Variants in LSM12 observed in about 807,000 individuals in gnomAD.
The protein encoded by LSM12 is protein LSM12.
For missense variants in LSM12, 108 were observed against 238.9 expected (o/e 0.45, Z 3.61); for synonymous variants, 74 against 87.3 (o/e 0.85, Z 0.85).
chr17:44,047,265 G>T (rs1316524937), intron 2 of LSM12, among the ~76,000 whole-genome samples: 2 of 150,966 alleles, frequency 1.3e-5, no homozygotes, highest in African/African-American at 4.9e-5. Flanking sequence ...TCTTTTTTTT[G>T]AGATGGAGTC....
At chr17:44,037,373 A>G (rs1457328780) in intron 4 of LSM12, 39 bp downstream of exon 4, 2 of 1,542,736 alleles carry the variant, frequency 1.3e-6, no homozygotes, top group Admixed American at 4.2e-5. Context: ...CTGAGGAACC[A>G]TCCTCTCTCC....
intron 2 of LSM12, 21 bp from the exon 3 acceptor site, chr17:44,040,277 G>C: frequency 6.3e-7 from 1 of 1,577,540 alleles, no homozygotes; most frequent in Non-Finnish European, 8.7e-7. Context: ...AGAGAGGAAA[G>C]AGACTCAGAA....
At chr17:44,042,862 T>C (rs1018362574) in intron 2 of LSM12, among the ~76,000 whole-genome samples, 14 of 152,022 alleles carry the variant, frequency 9.2e-5, no homozygotes, top group African/African-American at 3.1e-4. Flanking sequence ...CTACCACACC[T>C]GGCCATTTTT....
In LSM12 at chr17:44,040,003, C is replaced by G. The variant is rs73306670; in HGVS notation, c.368+144G>C. On this transcript the variant is annotated intron_variant, in intron 3 of 4. Coordinates refer to ENST00000293406, the MANE Select transcript of LSM12 (RefSeq NM_001371445.1). ...TGGAAAGGGGGCTACAGCACCTGCA[C>G]CTCTGGATGCTGGCATATTGCCAAT... 4.6e-3 allele frequency: 2,697 copies of G among 588,094 alleles called. 45 individuals carry two copies. The highest frequency in any genetic ancestry group is 0.043 in the African/African-American group (2,320 of 53,744). 36.4% of individuals were successfully genotyped at this position (588,094 alleles called of 1,614,324 possible).
intron 1 of LSM12, among the ~76,000 whole-genome samples, chr17:44,064,225 G>A (rs1051897547): frequency 6.6e-6 from 1 of 151,554 alleles, no homozygotes; most frequent in Non-Finnish European, 1.5e-5. Flanking sequence ...CCAGACAAAA[G>A]AGCTAGACCT....
intron 2 of LSM12, among the ~76,000 whole-genome samples, chr17:44,042,328 A>AGT (rs1056742980): frequency 6.6e-6 from 1 of 152,124 alleles, no homozygotes; most frequent in African/African-American, 2.4e-5. Flanking sequence ...ATATTCCAAA[A>AGT]GTACCTTAAT....
chr17:44,043,189 G>A (rs2049518137), intron 2 of LSM12, among the ~76,000 whole-genome samples: 2 of 152,250 alleles, frequency 1.3e-5, no homozygotes, highest in Admixed American at 1.3e-4. Flanking sequence ...GAGCACAGAA[G>A]GCCAGCTCAC....
At position 44,063,674 on chromosome 17, in the gene LSM12, A is replaced by G. The variant is rs528241785; in HGVS notation, c.258+127T>C. The G allele has an allele frequency of 2.0e-4, 215 of 1,095,680 alleles. 2 individuals are homozygous for G. The East Asian group carries it at 5.8e-3, about 30-fold the overall frequency. The allele number at this position is 1,095,680 out of a possible 1,614,324, so 67.9% of individuals were successfully genotyped here. On this transcript the variant is annotated intron_variant, in intron 2 of 4. Coordinates refer to ENST00000293406, the MANE Select transcript of LSM12 (RefSeq NM_001371445.1). ...AACTAAACCTACATTTTTTAAAAAG[A>G]TATCAGAACAAACAATTTTAAGTCA...
intron 2 of LSM12, among the ~76,000 whole-genome samples, chr17:44,046,298 G>A (rs1056579545): frequency 2.6e-5 from 4 of 152,052 alleles, no homozygotes; most frequent in Non-Finnish European, 5.9e-5. Context: ...TCTGTGTGTG[G>A]ACATGTTTTT....
intron 2 of LSM12, among the ~76,000 whole-genome samples, chr17:44,043,683 A>C (rs765128227): frequency 6.6e-6 from 1 of 151,536 alleles, no homozygotes; most frequent in African/African-American, 2.4e-5. Flanking sequence ...AGAAAATCTG[A>C]AGTCGGCCAG....
intron 2 of LSM12, among the ~76,000 whole-genome samples, chr17:44,052,714 G>A (rs549663280): frequency 1.1e-4 from 16 of 151,790 alleles, no homozygotes; most frequent in South Asian, 2.1e-4. Context: ...AGCTGAGACC[G>A]TGCCATTGAA....
chr17:44,061,697 G>A (rs1447868970), intron 2 of LSM12, among the ~76,000 whole-genome samples: 2 of 152,136 alleles, frequency 1.3e-5, no homozygotes, highest in African/African-American at 4.8e-5. Flanking sequence ...ATTCCCAAGA[G>A]AGGCAAAGTA....
At chr17:44,040,319 G>A in intron 2 of LSM12, 63 bp from the exon 3 acceptor site, 1 of 1,261,916 alleles carries the variant, frequency 7.9e-7, no homozygotes. Flanking sequence ...CCAACAGTCA[G>A]GACCTAAGCT....
At chr17:44,046,077 CAGGCGCCCG>C (rs1424421766) in intron 2 of LSM12, among the ~76,000 whole-genome samples, 1 of 151,224 alleles carries the variant, frequency 6.6e-6, no homozygotes, top group Non-Finnish European at 1.5e-5. Flanking sequence ...GCTGGGACTA[CAGGCGCCCG>C]CCACCACGCC....
intron 3 of LSM12, among the ~76,000 whole-genome samples, chr17:44,037,956 C>A (rs1283831240): frequency 6.6e-6 from 1 of 152,146 alleles, no homozygotes; most frequent in Non-Finnish European, 1.5e-5. Flanking sequence ...CATAGTTGTA[C>A]AAAAGTAGCA....
At chr17:44,055,432 T>C (rs1445174876) in intron 2 of LSM12, among the ~76,000 whole-genome samples, 1 of 141,596 alleles carries the variant, frequency 7.1e-6, no homozygotes, top group African/African-American at 2.7e-5. Context: ...GAGGCTGAGG[T>C]GGGTGGATCA....
intron 2 of LSM12, among the ~76,000 whole-genome samples, chr17:44,051,389 C>CAAAAA (rs57974319): frequency 1.8e-4 from 21 of 114,946 alleles, no homozygotes; most frequent in African/African-American, 7.3e-4. Context: ...GACTCCGTCT[C>CAAAAA]AAAAAAAAAA....
chr17:44,066,720 G>C, upstream of LSM12: 1 of 1,152,646 alleles, frequency 8.7e-7, no homozygotes, highest in Non-Finnish European at 1.1e-6. Flanking sequence ...CCTGGCGCTG[G>C]TTGGGGCGGG....
chr17:44,043,541 G>T (rs1245824970), intron 2 of LSM12, among the ~76,000 whole-genome samples: 1 of 145,514 alleles, frequency 6.9e-6, no homozygotes, highest in South Asian at 2.2e-4. Context: ...TAACAAGGAG[G>T]AGTTTCCTTT....
Sources: allele counts gnomAD v4.1 joint callset (sites outside exome capture counted in the v4.1 genomes callset), GRCh38; gene constraint gnomAD v4.1.1; transcripts MANE v1.5; gene names NCBI Gene and HGNC (gene_info 2026-07-23, HGNC 2026-07-21).